The following ADARB2 variants were observed in gnomAD, a reference collection of about 807,000 sequenced individuals.
ADARB2 encodes inactive double-stranded RNA-specific editase B2.
A neutral mutation model predicts 62.2 loss-of-function variants in ADARB2; 25 were observed. That is an observed-to-expected ratio of 0.40 (90% CI 0.29 to 0.56). ADARB2 has a LOEUF of 0.56. Among genes scored for constraint, ADARB2 ranks in the 20% least tolerant of loss-of-function variants. The probability of loss-of-function intolerance (pLI) is 0.43; values close to 1 mark genes in which losing one functional copy is unlikely to be tolerated. For synonymous variants in ADARB2, 572 were observed against 500.8 expected (o/e 1.14, Z -1.90); for missense variants, 1,071 against 1,077.4 (o/e 0.99, Z 0.08).
intron 1 of ADARB2, among the ~76,000 whole-genome samples, chr10:1,697,433 C>T (rs12779596): frequency 0.13 from 20,306 of 152,130 alleles, 1,394 homozygotes; most frequent in Non-Finnish European, 0.15. Context: ...ACACGTGGCT[C>T]AAACCTGCCC....
intron 3 of ADARB2, among the ~76,000 whole-genome samples, chr10:1,336,087 A>G (rs1483002094): frequency 6.6e-6 from 1 of 152,248 alleles, no homozygotes; most frequent in African/African-American, 2.4e-5. Flanking sequence ...AGAAACTCTA[A>G]TATGCAAACA....
At chr10:1,336,462 A>G (rs571978021) in intron 3 of ADARB2, among the ~76,000 whole-genome samples, 3 of 152,330 alleles carry the variant, frequency 2.0e-5, no homozygotes, top group Non-Finnish European at 2.9e-5. Flanking sequence ...CATCATGGGA[A>G]ACCCACCCCT....
chr10:1,566,531 T>G (rs1273150878), intron 1 of ADARB2, among the ~76,000 whole-genome samples: 1 of 152,128 alleles, frequency 6.6e-6, no homozygotes, highest in Non-Finnish European at 1.5e-5. Context: ...TAGTGGTTAC[T>G]GTGGGGAAAA....
At chr10:1,552,125 T>C (rs1227582687) in intron 1 of ADARB2, among the ~76,000 whole-genome samples, 1 of 152,158 alleles carries the variant, frequency 6.6e-6, no homozygotes, top group East Asian at 1.9e-4. Flanking sequence ...CAATCAGGGG[T>C]TAAAGGCTGC....
intron 1 of ADARB2, among the ~76,000 whole-genome samples, chr10:1,665,822 T>C (rs1013183274): frequency 1.3e-5 from 2 of 152,334 alleles, no homozygotes; most frequent in Middle Eastern, 3.4e-3. Context: ...GCCAGTGGCA[T>C]GGATGCTTCG....
chr10:1,272,444 C>T (rs1288700029), intron 3 of ADARB2, among the ~76,000 whole-genome samples: 3 of 152,198 alleles, frequency 2.0e-5, no homozygotes, highest in Non-Finnish European at 4.4e-5. Context: ...CTGCCAGAAG[C>T]AAAAAACATG....
chr10:1,480,070 A>T (rs1564302724), intron 1 of ADARB2, among the ~76,000 whole-genome samples: 1 of 152,062 alleles, frequency 6.6e-6, no homozygotes, highest in Admixed American at 6.6e-5. Flanking sequence ...AAACAAAAAA[A>T]AACCTACAGC....
intron 4 of ADARB2, among the ~76,000 whole-genome samples, chr10:1,244,736 C>T (rs943413003): frequency 1.3e-5 from 2 of 152,144 alleles, no homozygotes; most frequent in Non-Finnish European, 2.9e-5. Context: ...ATGTCACCAG[C>T]ATGACAGTGA....
In ADARB2 at chr10:1,181,353, A is replaced by C. The variant is rs1836673427; in HGVS notation, c.*1840T>G. 1.3e-5 allele frequency: 2 copies of C among 152,234 alleles called. No individual in the cohort carries two copies. The highest frequency in any genetic ancestry group is 4.8e-5 in the African/African-American group (2 of 41,472). The allele number at this position is 152,234 out of a possible 1,614,324, so 9.4% of individuals were successfully genotyped here. On this transcript the variant is annotated 3_prime_UTR_variant, in exon 10 of 10. Coordinates refer to ENST00000381312, the MANE Select transcript of ADARB2 (RefSeq NM_018702.4). ...TCGTTTGAGCTTAGCTTTTGCACTGAATTAAGATTTCATTTATTTTTGTGA... is the reference window on the plus strand; with the variant it reads ...TCGTTTGAGCTTAGCTTTTGCACTGCATTAAGATTTCATTTATTTTTGTGA...
intron 1 of ADARB2, among the ~76,000 whole-genome samples, chr10:1,698,724 T>C (rs570639839): frequency 2.6e-5 from 4 of 152,244 alleles, no homozygotes; most frequent in South Asian, 4.1e-4. Context: ...ACAGTGAAGG[T>C]AGAAAGAGTT....
intron 1 of ADARB2, among the ~76,000 whole-genome samples, chr10:1,535,207 G>A (rs531868745): frequency 1.3e-5 from 2 of 152,222 alleles, no homozygotes; most frequent in East Asian, 1.9e-4. Flanking sequence ...TGCTCTTTAC[G>A]CCGTCCCCGG....
chr10:1,460,355 G>A (rs71500113), intron 1 of ADARB2, among the ~76,000 whole-genome samples: 30 of 12,650 alleles, frequency 2.4e-3, no homozygotes, highest in African/African-American at 4.1e-3. Flanking sequence ...CCTGTGTAAC[G>A]AACCTGCCTG....
At chr10:1,580,999 T>C (rs977284057) in intron 1 of ADARB2, among the ~76,000 whole-genome samples, 2 of 152,206 alleles carry the variant, frequency 1.3e-5, no homozygotes, top group African/African-American at 2.4e-5. Context: ...CTTGGTTGCC[T>C]CCTATTCTGA....
chr10:1,549,703 C>T (rs1041394561), intron 1 of ADARB2, among the ~76,000 whole-genome samples: 6 of 152,138 alleles, frequency 3.9e-5, no homozygotes, highest in African/African-American at 1.2e-4. Flanking sequence ...ACCCATTGTC[C>T]CCATCCTCTA....
chr10:1,419,242 C>T (rs533389843), intron 1 of ADARB2, among the ~76,000 whole-genome samples: 5 of 152,176 alleles, frequency 3.3e-5, no homozygotes, highest in African/African-American at 7.2e-5. Flanking sequence ...TACAGGCACC[C>T]GCCACCACGC....
intron 2 of ADARB2, among the ~76,000 whole-genome samples, chr10:1,364,372 CCTCA>C (rs768334790): frequency 7.2e-5 from 11 of 152,218 alleles, no homozygotes; most frequent in Admixed American, 1.3e-4. Flanking sequence ...AACTCTACTT[CCTCA>C]CTCACAGCTA....
At chr10:1,648,498 C>T (rs923310781) in intron 1 of ADARB2, among the ~76,000 whole-genome samples, 1 of 152,130 alleles carries the variant, frequency 6.6e-6, no homozygotes, top group Admixed American at 6.6e-5. Context: ...CATAGTTTTA[C>T]AAAGTAAATC....
chr10:1,611,013 T>C (rs1400612438), intron 1 of ADARB2, among the ~76,000 whole-genome samples: 2 of 152,162 alleles, frequency 1.3e-5, no homozygotes, highest in African/African-American at 4.8e-5. Context: ...GAAATACATA[T>C]GGTCCATACG....
intron 1 of ADARB2, among the ~76,000 whole-genome samples, chr10:1,631,737 C>A (rs1236735739): frequency 6.6e-6 from 1 of 152,072 alleles, no homozygotes; most frequent in Non-Finnish European, 1.5e-5. Context: ...GCTGCCAGAT[C>A]TAGGAAAATG....
Sources: gnomAD v4.1 joint callset for allele counts (sites outside exome capture counted in the v4.1 genomes callset) on GRCh38, gnomAD v4.1.1 for gene constraint, MANE v1.5 for transcripts, NCBI Gene and HGNC (gene_info 2026-07-23, HGNC 2026-07-21) for gene names.